The following CFAP47 variants were observed in gnomAD, a reference collection of about 807,000 sequenced individuals.
CFAP47 encodes the protein cilia and flagella associated protein 47, also known as cilia- and flagella-associated protein 47.
In CFAP47, 29 loss-of-function variants were observed where a neutral mutation model predicts 148.1. That is an observed-to-expected ratio of 0.20 (90% CI 0.15 to 0.27). The LOEUF (loss-of-function observed/expected upper bound fraction) is 0.27, where lower values mean the gene tolerates loss of function less well. CFAP47 is among the 10% of genes least tolerant of loss of function. CFAP47 has a pLI of 1.00. For synonymous variants in CFAP47, 664 were observed against 577.3 expected, an observed-to-expected ratio of 1.15 and a Z score of -2.15; for missense variants, 1,872 against 1,697.5, an observed-to-expected ratio of 1.10 and a Z score of -1.81.
intron 33 of CFAP47, among the ~76,000 whole-genome samples, chrX:36,116,406 A>T (rs1938641068): frequency 8.9e-6 from 1 of 111,923 alleles, no homozygotes; most frequent in Non-Finnish European, 1.9e-5. Flanking sequence ...CATTCTTTTT[A>T]TTGCTGGGTG....
chrX:36,312,046 C>G (rs1307226133), intron 56 of CFAP47, among the ~76,000 whole-genome samples: 6 of 110,699 alleles, frequency 5.4e-5, no homozygotes, highest in African/African-American at 2.0e-4. Flanking sequence ...AGGAAATTAG[C>G]ATTTTAAGAT....
intron 22 of CFAP47, among the ~76,000 whole-genome samples, chrX:36,019,389 C>G (rs927238202): frequency 1.8e-5 from 2 of 111,885 alleles, no homozygotes; most frequent in Admixed American, 1.9e-4. Context: ...CCTCCTCCCC[C>G]GAGTAGGAGG....
At chrX:36,068,708 A>G (rs1216042290) in intron 27 of CFAP47, among the ~76,000 whole-genome samples, 1 of 108,820 alleles carries the variant, frequency 9.2e-6, no homozygotes, top group African/African-American at 3.4e-5. Context: ...CTGTAATCCC[A>G]GCACTTTTGG....
At chrX:36,313,933 A>T (rs782481144) in intron 56 of CFAP47, among the ~76,000 whole-genome samples, 5 of 112,080 alleles carry the variant, frequency 4.5e-5, no homozygotes, top group Non-Finnish European at 9.4e-5. Flanking sequence ...TGCAGACATG[A>T]TCTATTAGTA....
chrX:36,241,120 A>G (rs1940538629), intron 48 of CFAP47, among the ~76,000 whole-genome samples: 1 of 111,497 alleles, frequency 9.0e-6, no homozygotes, highest in South Asian at 3.8e-4. Flanking sequence ...ACTTCTGGGG[A>G]AGGGAAGAGT....
At chrX:35,967,475 A>ATGAT (rs1029235689) in intron 9 of CFAP47, 144 bp from the exon 10 acceptor site, 4 of 345,993 alleles carry the variant, frequency 1.2e-5, no homozygotes, top group African/African-American at 1.1e-4. Flanking sequence ...TTTTTTATTA[A>ATGAT]TGATTTGTAT....
intron 6 of CFAP47, 138 bp downstream of exon 6, chrX:35,952,101 T>A: frequency 1.7e-6 from 1 of 577,714 alleles, no homozygotes; most frequent in Non-Finnish European, 2.5e-6. Context: ...GTCATGGTTC[T>A]AGATGTTTCT....
chrX:36,218,194 T>C (rs928910692), intron 45 of CFAP47, among the ~76,000 whole-genome samples: 2 of 112,635 alleles, frequency 1.8e-5, no homozygotes, highest in African/African-American at 3.2e-5. Flanking sequence ...GAAATGAAAA[T>C]GCAAAATACA....
chrX:36,300,294 AT>A (rs11393119), intron 52 of CFAP47, among the ~76,000 whole-genome samples: 137 of 100,537 alleles, frequency 1.4e-3, no homozygotes, highest in Middle Eastern at 5.2e-3. Flanking sequence ...AGTTATACTT[AT>A]TTTTTTTTTT....
At chrX:36,014,089 CAT>C (rs1441450834) in intron 21 of CFAP47, among the ~76,000 whole-genome samples, 1 of 111,893 alleles carries the variant, frequency 8.9e-6, no homozygotes, top group Non-Finnish European at 1.9e-5. Flanking sequence ...TACGTGTTCA[CAT>C]GTTATTTTTG....
At chrX:35,944,538 G>A (rs771216917) in intron 3 of CFAP47, among the ~76,000 whole-genome samples, 1 of 111,311 alleles carries the variant, frequency 9.0e-6, no homozygotes, top group African/African-American at 3.3e-5. Flanking sequence ...TACATATTTA[G>A]TGTGCTTAGA....
At chrX:36,311,059 C>A (rs1941390508) in intron 56 of CFAP47, 70 bp downstream of exon 56, 3 of 611,353 alleles carry the variant, frequency 4.9e-6, no homozygotes, top group African/African-American at 2.3e-5. Flanking sequence ...ATCATAGAAT[C>A]AAAACATTTT....
chrX:36,013,607 C>T (rs1017227448), intron 21 of CFAP47, among the ~76,000 whole-genome samples: 1 of 110,972 alleles, frequency 9.0e-6, no homozygotes, highest in Non-Finnish European at 1.9e-5. Context: ...GGTACAAAAA[C>T]ATAGTTAAAA....
At chrX:36,159,887 G>A (rs1939409090) in intron 38 of CFAP47, among the ~76,000 whole-genome samples, 1 of 111,859 alleles carries the variant, frequency 8.9e-6, no homozygotes, top group Admixed American at 9.5e-5. Context: ...TTATTGAGAG[G>A]TGACGATGTT....
intron 56 of CFAP47, among the ~76,000 whole-genome samples, chrX:36,312,334 A>AT: frequency 9.0e-6 from 1 of 111,321 alleles, no homozygotes; most frequent in East Asian, 2.8e-4. Context: ...GAAGAGAGAT[A>AT]TAGTAGAGAA....
At chrX:36,286,837 C>T (rs1941138419) in intron 51 of CFAP47, among the ~76,000 whole-genome samples, 1 of 111,180 alleles carries the variant, frequency 9.0e-6, no homozygotes, top group Admixed American at 9.6e-5. Flanking sequence ...ATAGAGATGA[C>T]AAAATATGCA....
At chrX:36,014,072 T>C (rs1937070236) in intron 21 of CFAP47, among the ~76,000 whole-genome samples, 1 of 112,163 alleles carries the variant, frequency 8.9e-6, no homozygotes, top group Non-Finnish European at 1.9e-5. Flanking sequence ...CAGCAATGTA[T>C]GTGTTTTACG....
intron 57 of CFAP47, among the ~76,000 whole-genome samples, chrX:36,344,257 G>GA (rs373568132): frequency 0.057 from 3,510 of 61,558 alleles, 221 homozygotes; most frequent in African/African-American, 0.16. Flanking sequence ...AAGAGAGAAA[G>GA]AAAAAAAAAA....
At chrX:36,380,290 T>A (rs1247645757) in intron 63 of CFAP47, among the ~76,000 whole-genome samples, 1 of 110,532 alleles carries the variant, frequency 9.0e-6, no homozygotes, top group South Asian at 3.7e-4. Context: ...GCAGAAAAAA[T>A]TTATTGTTTT....
Sources: gnomAD v4.1 joint callset for allele counts (sites outside exome capture counted in the v4.1 genomes callset) on GRCh38, gnomAD v4.1.1 for gene constraint, MANE v1.5 for transcripts, NCBI Gene and HGNC (gene_info 2026-07-23, HGNC 2026-07-21) for gene names.